The following PDE6A variants were observed in gnomAD, a reference collection of about 807,000 sequenced individuals.
PDE6A encodes the protein rod cGMP-specific 3',5'-cyclic phosphodiesterase subunit alpha.
A neutral mutation model predicts 106.3 loss-of-function variants in PDE6A; 84 were observed. That is an observed-to-expected ratio of 0.79 (90% confidence interval 0.66 to 0.95). The LOEUF is 0.95. Ranked by LOEUF, PDE6A falls within the 40% of genes least tolerant of loss-of-function variation. The probability of loss-of-function intolerance (pLI) is 0.00; values close to 1 mark genes in which losing one functional copy is unlikely to be tolerated. For synonymous variants in PDE6A, 394 were observed against 386.6 expected (o/e 1.02, Z -0.23); for missense variants, 1,052 against 1,084.9 (o/e 0.97, Z 0.43).
rs1319716537 is a variant in PDE6A at position 149,944,305 on chromosome 5, G to C, written c.369C>G (p.Asp123Glu). 3 of 1,614,114 alleles carry C rather than the reference G, an allele frequency of 1.9e-6. No homozygotes were observed. Among genetic ancestry groups the C allele is most frequent in the African/African-American group, 2.7e-5 (2 of 75,022 alleles). ...TCTCTTGGTCGGGCATCACCAGGCA[G>C]TCCTCGAGGACAGCATCCTTGTGGA... Reference protein sequence around the residue: ...FNVHKDAVLEDCLVMPDQEIV... With the variant: ...FNVHKDAVLEECLVMPDQEIV... The change falls in exon 1 of 22, where the codon GAC becomes GAG. Residue 123 changes from aspartate to glutamate, a missense_variant. Around this residue, in one of 3 missense-constraint regions of PDE6A, gnomAD observed 913 missense variants for 915.2 expected, o/e 1.00. Transcript: ENST00000255266.
intron 5 of PDE6A, among the ~76,000 whole-genome samples, chr5:149,915,907 A>T (rs1753536173): frequency 6.6e-6 from 1 of 152,060 alleles, no homozygotes; most frequent in Non-Finnish European, 1.5e-5. Context: ...CTCATCAGTC[A>T]AAACTTGCCA....
intron 4 of PDE6A, among the ~76,000 whole-genome samples, chr5:149,923,624 A>G (rs1020884985): frequency 6.6e-6 from 1 of 152,218 alleles, no homozygotes; most frequent in African/African-American, 2.4e-5. Context: ...GGCAGAGGGA[A>G]GAGGAAAAAG....
Position 149,860,959 on chromosome 5 carries a change from T to C in PDE6A, c.2519A>G (p.Asn840Ser). The change falls in exon 22 of 22, where the codon AAT (asparagine) becomes AGT (serine). Residue 840 changes from asparagine (N) to serine (S), a missense_variant. Asn to Ser is a conservative substitution (Grantham distance 46). Coordinates refer to ENST00000255266, the MANE Select transcript of PDE6A (RefSeq NM_000440.3). ...TGGGCTGGGGTTTCCCCCCGGCTGA[T>C]TTCCTGCGGCTGCTGCAATGAAACA... ...QQSAKSAAAG[N>S]QPGGNPSPGG... 6.2e-7 allele frequency: 1 copy of C among 1,614,144 alleles called. No individual in the cohort carries two copies. The highest frequency in any genetic ancestry group is 8.5e-7 in the Non-Finnish European group (1 of 1,180,014).
chr5:149,917,405 A>G (rs1753589326), intron 5 of PDE6A, among the ~76,000 whole-genome samples: 1 of 152,098 alleles, frequency 6.6e-6, no homozygotes, highest in African/African-American at 2.4e-5. Context: ...CCGACTCAGA[A>G]CCTCCACAAA....
intron 17 of PDE6A, among the ~76,000 whole-genome samples, chr5:149,880,234 G>C (rs1760875583): frequency 2.6e-5 from 4 of 151,904 alleles, no homozygotes; most frequent in Admixed American, 2.0e-4. Context: ...TTTGTTGGTT[G>C]GTTGCTTGAT....
chr5:149,866,006 G>T (rs534523961), intron 20 of PDE6A, among the ~76,000 whole-genome samples, 164 bp downstream of exon 20: 1 of 152,306 alleles, frequency 6.6e-6, no homozygotes, highest in South Asian at 2.1e-4. Flanking sequence ...AATCACATGA[G>T]ACCCATAGAG....
At chr5:149,898,649 G>A (rs1421359566) in intron 9 of PDE6A, 143 bp from the exon 10 acceptor site, 2 of 751,594 alleles carry the variant, frequency 2.7e-6, no homozygotes, top group African/African-American at 3.5e-5. Context: ...ACCTTGCGGA[G>A]TTCTTATAAG....
intron 17 of PDE6A, among the ~76,000 whole-genome samples, chr5:149,879,576 T>G (rs13173274): frequency 1.5e-5 from 1 of 67,212 alleles, no homozygotes; most frequent in African/African-American, 6.0e-5. Context: ...CCCTCCCCCC[T>G]CCCCCCACCC....
chr5:149,903,147 T>TAAAAAAAAAAAAAAAAAAAA (rs373566897), intron 8 of PDE6A, among the ~76,000 whole-genome samples: 7 of 90,986 alleles, frequency 7.7e-5, no homozygotes, highest in East Asian at 3.4e-4. Flanking sequence ...AGACCCTCTC[T>TAAAAAAAAAAAAAAAAAAAA]AAAAAAAAAA....
chr5:149,894,027 G>A (rs191238467), intron 13 of PDE6A, among the ~76,000 whole-genome samples: 228 of 152,294 alleles, frequency 1.5e-3, no homozygotes, highest in Non-Finnish European at 2.5e-3. Flanking sequence ...CTGGTAGAGG[G>A]GTACCAGTTA....
At chr5:149,884,193 A>ATATATAT (rs1561706527) in intron 16 of PDE6A, among the ~76,000 whole-genome samples, 3 of 94,752 alleles carry the variant, frequency 3.2e-5, no homozygotes, top group East Asian at 4.9e-4. Context: ...AAAAAGAAAA[A>ATATATAT]AAAAAAATAT....
At chr5:149,904,543 C>T (rs774610096) in intron 7 of PDE6A, among the ~76,000 whole-genome samples, 6 of 152,158 alleles carry the variant, frequency 3.9e-5, no homozygotes, top group Non-Finnish European at 7.3e-5. Context: ...AGCCTGTGAT[C>T]TGCTTGCAGC....
chr5:149,943,561 T>C lies in PDE6A; in HGVS notation c.474+639A>G, dbSNP rs563259333. 2.6e-5 allele frequency among the ~76,000 whole-genome samples: 4 copies of C among 152,370 alleles called. No individual in the cohort carries two copies. The South Asian group carries it at 8.3e-4, about 32-fold the overall frequency. ...GTCTCAAACTCTTGGGCTCAAGTGA[T>C]TCTCTTGCCTCAGCCCTCCGAGTAG... On this transcript the variant is annotated intron_variant, in intron 1 of 21. Transcript: ENST00000255266.
intron 4 of PDE6A, among the ~76,000 whole-genome samples, chr5:149,928,052 T>C (rs1483315408): frequency 6.6e-6 from 1 of 151,360 alleles, no homozygotes; most frequent in Non-Finnish European, 1.5e-5. Context: ...TGCCTGAGGC[T>C]GTTTTACAGT....
At chr5:149,876,625 C>T (rs568099342) in intron 17 of PDE6A, among the ~76,000 whole-genome samples, 33 of 152,078 alleles carry the variant, frequency 2.2e-4, no homozygotes, top group Non-Finnish European at 4.4e-4. Flanking sequence ...GCCTCAGCCT[C>T]CACAGTAGCT....
chr5:149,900,118 T>C (rs986038210), intron 8 of PDE6A, among the ~76,000 whole-genome samples: 4 of 151,844 alleles, frequency 2.6e-5, no homozygotes, highest in Non-Finnish European at 4.4e-5. Context: ...TTTTGGGAAG[T>C]CGAGGCAGGC....
At position 149,902,147 on chromosome 5, in the gene PDE6A, C is replaced by T. The variant is rs574343588; in HGVS notation, c.1113+1501G>A. On this transcript the variant is annotated intron_variant, in intron 8 of 21. Coordinates refer to ENST00000255266, the MANE Select transcript of PDE6A (RefSeq NM_000440.3). ...AGGCCCTGCAGGATCTGGTCTCTGT[C>T]CACCTCTCTAGAATCTTCTCCTGCC... Among the ~76,000 whole-genome samples the T allele has an allele frequency of 6.7e-4, 102 of 152,316 alleles. 1 individual carries two copies. The highest frequency in any genetic ancestry group is 2.4e-3 in the African/African-American group (98 of 41,558).
chr5:149,881,780 G>A (rs575821797), intron 17 of PDE6A, among the ~76,000 whole-genome samples: 29 of 152,240 alleles, frequency 1.9e-4, no homozygotes, highest in South Asian at 1.9e-3. Flanking sequence ...GTGGCTGGAC[G>A]TGGTGGCTCA....
At chr5:149,934,791 T>C in intron 1 of PDE6A, 73 bp from the exon 2 acceptor site, 1 of 1,466,826 alleles carries the variant, frequency 6.8e-7, no homozygotes, top group Non-Finnish European at 9.5e-7. Flanking sequence ...AAAGCCCCTG[T>C]TGACAAGGGA....
Sources: gnomAD v4.1 joint callset for allele counts (sites outside exome capture counted in the v4.1 genomes callset) on GRCh38, gnomAD v4.1.1 for gene constraint, gnomAD v4.1.1 regional missense constraint, MANE v1.5 for transcripts, NCBI Gene and HGNC (gene_info 2026-07-23, HGNC 2026-07-21) for gene names.